Variants in UST observed in about 807,000 individuals in gnomAD.
UST encodes the protein chondroitin sulfate 2-O-sulfotransferase.
UST carries 21 observed loss-of-function variants against 45.6 expected under a neutral mutation model. The ratio of observed to expected loss-of-function variants is 0.46; its 90% CI spans 0.33 to 0.66. The LOEUF (loss-of-function observed/expected upper bound fraction) is 0.66, where lower values mean the gene tolerates loss of function less well. Ranked by LOEUF, UST falls within the 30% of genes least tolerant of loss-of-function variation. The pLI is 0.02. For missense variants in UST, 463 were observed against 512.4 expected, an observed-to-expected ratio of 0.90 and a Z score of 0.93; for synonymous variants, 215 against 200.6, an observed-to-expected ratio of 1.07 and a Z score of -0.61.
At chr6:148,953,102 A>G (rs2500512) in intron 3 of UST, among the ~76,000 whole-genome samples, 2 of 152,124 alleles carry the variant, frequency 1.3e-5, no homozygotes, top group African/African-American at 4.8e-5. Flanking sequence ...TATTTTCCTT[A>G]TAAATTTCAT....
chr6:148,756,446 A>G (rs1226074944), intron 1 of UST, among the ~76,000 whole-genome samples: 1 of 152,246 alleles, frequency 6.6e-6, no homozygotes, highest in Non-Finnish European at 1.5e-5. Flanking sequence ...CAAAATTACC[A>G]GGGAACCAGA....
At chr6:148,890,153 A>G (rs73778939) in intron 2 of UST, among the ~76,000 whole-genome samples, 4 of 152,336 alleles carry the variant, frequency 2.6e-5, no homozygotes, top group African/African-American at 7.2e-5. Flanking sequence ...AGCAGTAGCC[A>G]TAAGAAGAAG....
chr6:148,855,096 AT>A (rs1192843115), intron 1 of UST, among the ~76,000 whole-genome samples: 1 of 152,218 alleles, frequency 6.6e-6, no homozygotes, highest in African/African-American at 2.4e-5. Flanking sequence ...CGCGAGACGT[AT>A]TCACTATCAC....
chr6:148,954,017 A>G (rs1431371330), intron 4 of UST, 66 bp downstream of exon 4: 4 of 1,329,922 alleles, frequency 3.0e-6, no homozygotes, highest in Non-Finnish European at 4.2e-6. Context: ...TTAGAAATCT[A>G]CCTTTATTTA....
intron 7 of UST, among the ~76,000 whole-genome samples, chr6:149,034,866 C>G (rs949024890): frequency 7.3e-6 from 1 of 137,470 alleles, no homozygotes; most frequent in Non-Finnish European, 1.5e-5. Flanking sequence ...CTCTCTCTCT[C>G]TCTCTCTCTC....
chr6:149,036,645 T>G (rs956659129), intron 7 of UST, among the ~76,000 whole-genome samples: 3 of 152,244 alleles, frequency 2.0e-5, no homozygotes, highest in African/African-American at 7.2e-5. Flanking sequence ...CACACATATC[T>G]TTTATGCAGT....
chr6:148,788,815 T>A (rs564299651), intron 1 of UST, among the ~76,000 whole-genome samples: 1 of 152,352 alleles, frequency 6.6e-6, no homozygotes, highest in Admixed American at 6.5e-5. Flanking sequence ...ATGATGTCTG[T>A]AGCAAATTAT....
chr6:149,022,756 C>T (rs1775997889), intron 7 of UST, among the ~76,000 whole-genome samples: 1 of 152,156 alleles, frequency 6.6e-6, no homozygotes, highest in South Asian at 2.1e-4. Flanking sequence ...GCCCTGGATC[C>T]CGTTGCACAA....
chr6:149,049,591 G>GA (rs1457561896), intron 7 of UST, among the ~76,000 whole-genome samples: 3 of 152,160 alleles, frequency 2.0e-5, no homozygotes, highest in African/African-American at 4.8e-5. Flanking sequence ...TGAATGTTCA[G>GA]ATAAAAATTA....
At chr6:149,025,617 A>G (rs1313603448) in intron 7 of UST, among the ~76,000 whole-genome samples, 1 of 152,246 alleles carries the variant, frequency 6.6e-6, no homozygotes, top group African/African-American at 2.4e-5. Flanking sequence ...TTGAACATAT[A>G]CATAATTATT....
At chr6:148,811,404 T>C (rs1777253965) in intron 1 of UST, among the ~76,000 whole-genome samples, 1 of 152,106 alleles carries the variant, frequency 6.6e-6, no homozygotes, top group Admixed American at 6.6e-5. Context: ...TAGCCCAGAT[T>C]CAAAAAATGA....
intron 1 of UST, among the ~76,000 whole-genome samples, chr6:148,780,086 TATACAC>T (rs1562255108): frequency 4.2e-5 from 6 of 142,338 alleles, no homozygotes; most frequent in South Asian, 2.3e-4. Context: ...TGTGTATATA[TATACAC>T]ACACACACAC....
intron 7 of UST, among the ~76,000 whole-genome samples, chr6:149,070,764 TTTA>T (rs567922235): frequency 6.7e-6 from 1 of 149,728 alleles, no homozygotes; most frequent in Non-Finnish European, 1.5e-5. Context: ...TTTTAGTTAT[TTTA>T]TTATTATTAT....
At chr6:148,827,478 G>T (rs1041772590) in intron 1 of UST, among the ~76,000 whole-genome samples, 1 of 151,996 alleles carries the variant, frequency 6.6e-6, no homozygotes, top group African/African-American at 2.4e-5. Flanking sequence ...GATTAGCCAG[G>T]CATGGTGGCG....
intron 1 of UST, among the ~76,000 whole-genome samples, chr6:148,777,939 G>C (rs1443610361): frequency 6.6e-6 from 1 of 152,186 alleles, no homozygotes; most frequent in Non-Finnish European, 1.5e-5. Context: ...GTCCAGGTCT[G>C]TAGCCTAGGA....
chr6:148,850,515 C>T (rs775736049), intron 1 of UST, among the ~76,000 whole-genome samples: 5 of 152,134 alleles, frequency 3.3e-5, no homozygotes, highest in Non-Finnish European at 7.4e-5. Flanking sequence ...CTAAGAAAGC[C>T]CACACTTCAC....
intron 7 of UST, among the ~76,000 whole-genome samples, chr6:149,034,707 A>G (rs1776203876): frequency 6.6e-6 from 1 of 152,112 alleles, no homozygotes; most frequent in Admixed American, 6.5e-5. Context: ...TTACTTCAAG[A>G]TGTTCCTAAG....
chr6:148,834,377 C>T (rs550952063), intron 1 of UST, among the ~76,000 whole-genome samples: 3 of 152,318 alleles, frequency 2.0e-5, no homozygotes, highest in Middle Eastern at 3.4e-3. Flanking sequence ...GAAGCATTCT[C>T]TTTACCAAAG....
At chr6:149,030,752 G>A (rs897916291) in intron 7 of UST, among the ~76,000 whole-genome samples, 7 of 151,662 alleles carry the variant, frequency 4.6e-5, no homozygotes, top group Non-Finnish European at 1.0e-4. Flanking sequence ...CACACAAGAT[G>A]TGTTATCTTA....
Sources: gnomAD v4.1 joint callset for allele counts (sites outside exome capture counted in the v4.1 genomes callset) on GRCh38, gnomAD v4.1.1 for gene constraint, MANE v1.5 for transcripts, NCBI Gene and HGNC (gene_info 2026-07-23, HGNC 2026-07-21) for gene names.